FRMD4B: variants seen among roughly 807,000 people sequenced by gnomAD.
FRMD4B encodes FERM domain containing 4B.
A neutral mutation model predicts 141.5 loss-of-function variants in FRMD4B; 74 were observed. The ratio of observed to expected loss-of-function variants is 0.52; its 90% confidence interval spans 0.43 to 0.63. FRMD4B has a LOEUF of 0.63. Among genes scored for constraint, FRMD4B ranks in the 30% least tolerant of loss-of-function variants. The probability of loss-of-function intolerance (pLI) is 0.00; values close to 1 mark genes in which losing one functional copy is unlikely to be tolerated. For missense variants in FRMD4B, 1,366 were observed against 1,253.4 expected (o/e 1.09, Z -1.36); for synonymous variants, 506 against 467.9 (o/e 1.08, Z -1.05).
chr3:69,435,952 T>C (rs1705253345), intron 1 of FRMD4B, among the ~76,000 whole-genome samples: 1 of 152,160 alleles, frequency 6.6e-6, no homozygotes, highest in Admixed American at 6.5e-5. Context: ...GCTCTATTTA[T>C]GGGCCATTTG....
chr3:69,182,454 A>G, intron 20 of FRMD4B, 144 bp downstream of exon 20: 3 of 707,138 alleles, frequency 4.2e-6, no homozygotes, highest in African/African-American at 1.8e-5. Flanking sequence ...ATTTGAAACC[A>G]TAAGTTAGCA....
chr3:69,173,500 A>G (rs1205638561), intron 22 of FRMD4B, among the ~76,000 whole-genome samples: 1 of 152,204 alleles, frequency 6.6e-6, no homozygotes, highest in African/African-American at 2.4e-5. Context: ...TTTATCGTTA[A>G]CACCTAATTT....
chr3:69,272,699 T>C lies in FRMD4B; in HGVS notation c.501+15053A>G, dbSNP rs184936990. On this transcript the variant is annotated intron_variant, in intron 5 of 22. Coordinates refer to ENST00000398540, the MANE Select transcript of FRMD4B (RefSeq NM_015123.3). ...TTCTTGGTACGACTAAAATTGTTGG[T>C]TGCTGAACTACATGGAATAATTCCA... Among the ~76,000 whole-genome samples, 293 of 152,326 alleles carry C rather than the reference T, an allele frequency of 1.9e-3. 1 individual carries two copies. Among genetic ancestry groups the C allele is most frequent in the African/African-American group, 6.8e-3 (283 of 41,574 alleles).
At chr3:69,476,570 T>C (rs1054614145) in intron 1 of FRMD4B, among the ~76,000 whole-genome samples, 2 of 152,178 alleles carry the variant, frequency 1.3e-5, no homozygotes, top group Non-Finnish European at 2.9e-5. Context: ...TATATCTCTG[T>C]TTTGGTACCA....
intron 1 of FRMD4B, among the ~76,000 whole-genome samples, chr3:69,519,504 T>C (rs1408120527): frequency 6.6e-6 from 1 of 152,130 alleles, no homozygotes. Flanking sequence ...CCATGGGCAA[T>C]ACTCTATTCC....
intron 1 of FRMD4B, among the ~76,000 whole-genome samples, chr3:69,527,656 T>C (rs1700949793): frequency 6.6e-6 from 1 of 152,208 alleles, no homozygotes; most frequent in Non-Finnish European, 1.5e-5. Flanking sequence ...CTTTCAGAGG[T>C]TGAACTTTGA....
chr3:69,496,630 AGAGAGAAAGAGAG>A (rs1559545601), intron 1 of FRMD4B, among the ~76,000 whole-genome samples: 2 of 90,034 alleles, frequency 2.2e-5, no homozygotes, highest in Non-Finnish European at 2.2e-5. Flanking sequence ...AGAGAGAGAG[AGAGAGAAAGAGAG>A]AGAGAGAGAG....
chr3:69,477,025 GAA>G (rs1354597009), intron 1 of FRMD4B, among the ~76,000 whole-genome samples: 1 of 152,134 alleles, frequency 6.6e-6, no homozygotes, highest in African/African-American at 2.4e-5. Flanking sequence ...TGGTGTGTAA[GAA>G]TGCTTGTGAT....
At chr3:69,460,185 G>C (rs1170432128) in intron 1 of FRMD4B, among the ~76,000 whole-genome samples, 1 of 152,114 alleles carries the variant, frequency 6.6e-6, no homozygotes, top group South Asian at 2.1e-4. Flanking sequence ...GATGGTGCCC[G>C]TGATAAAGGG....
chr3:69,508,844 C>A (rs1477535002), intron 1 of FRMD4B, among the ~76,000 whole-genome samples: 3 of 152,180 alleles, frequency 2.0e-5, no homozygotes, highest in African/African-American at 7.2e-5. Flanking sequence ...TCCTTACAAC[C>A]ACCTACAAGG....
chr3:69,315,547 T>C (rs1701776905), intron 1 of FRMD4B, among the ~76,000 whole-genome samples: 1 of 152,234 alleles, frequency 6.6e-6, no homozygotes, highest in African/African-American at 2.4e-5. Context: ...TTGTTGTTTC[T>C]TTCTTTTTCA....
At chr3:69,237,664 C>T (rs2093354300) in intron 7 of FRMD4B, among the ~76,000 whole-genome samples, 1 of 152,186 alleles carries the variant, frequency 6.6e-6, no homozygotes, top group Non-Finnish European at 1.5e-5. Context: ...CATCTCTGGT[C>T]CCCAGCTTCC....
chr3:69,541,607 G>C (rs1023583654), intron 1 of FRMD4B, among the ~76,000 whole-genome samples: 1 of 152,180 alleles, frequency 6.6e-6, no homozygotes. Context: ...CAAAGTAGGA[G>C]CTAAAGATTA....
chr3:69,310,599 G>C (rs1208574355), intron 3 of FRMD4B: 4,118 of 203,518 alleles, frequency 0.02, 201 homozygotes, highest in African/African-American at 0.16. Flanking sequence ...GAGAGAGAGA[G>C]AGAGAGAGAG....
intron 1 of FRMD4B, among the ~76,000 whole-genome samples, chr3:69,315,767 A>T (rs941095623): frequency 6.6e-6 from 1 of 152,246 alleles, no homozygotes; most frequent in Non-Finnish European, 1.5e-5. Context: ...TGTCACCATG[A>T]ACTTTGCACA....
intron 1 of FRMD4B, among the ~76,000 whole-genome samples, chr3:69,330,060 C>T (rs764360445): frequency 6.6e-6 from 1 of 152,050 alleles, no homozygotes; most frequent in Admixed American, 6.6e-5. Flanking sequence ...GCTCTTTTGC[C>T]ACTGGAATGT....
chr3:69,508,300 AG>A (rs1488874833), intron 1 of FRMD4B, among the ~76,000 whole-genome samples: 1 of 152,220 alleles, frequency 6.6e-6, no homozygotes, highest in African/African-American at 2.4e-5. Flanking sequence ...AGAACTTGAT[AG>A]AAAGAAGTGC....
At chr3:69,243,138 G>A (rs981674911) in intron 7 of FRMD4B, among the ~76,000 whole-genome samples, 6 of 151,924 alleles carry the variant, frequency 3.9e-5, no homozygotes, top group African/African-American at 1.5e-4. Flanking sequence ...TGTTATCTTT[G>A]CGGTTTAAGG....
intron 5 of FRMD4B, among the ~76,000 whole-genome samples, chr3:69,273,920 G>GT (rs778733076): frequency 7.3e-6 from 1 of 136,678 alleles, no homozygotes; most frequent in Non-Finnish European, 1.6e-5. Flanking sequence ...GGTAGACAAG[G>GT]AAAAAAAAAA....
Sources: allele counts gnomAD v4.1 joint callset (sites outside exome capture counted in the v4.1 genomes callset), GRCh38; gene constraint gnomAD v4.1.1; transcripts MANE v1.5; gene names NCBI Gene and HGNC (gene_info 2026-07-23, HGNC 2026-07-21).